AKAP6: variants seen among roughly 807,000 people sequenced by gnomAD.
AKAP6 encodes the protein A-kinase anchoring protein 6.
Under a neutral mutation model 188.5 loss-of-function variants are expected in AKAP6, and 58 were observed. The ratio of observed to expected loss-of-function variants is 0.31; its 90% CI spans 0.25 to 0.38. The LOEUF (loss-of-function observed/expected upper bound fraction) is 0.38, where lower values mean the gene tolerates loss of function less well. Among genes scored for constraint, AKAP6 ranks in the 10% least tolerant of loss-of-function variants. The pLI is 1.00. For synonymous variants in AKAP6, 989 were observed against 998.6 expected (o/e 0.99, Z 0.18); for missense variants, 2,710 against 2,740.0 (o/e 0.99, Z 0.24).
chr14:32,408,435 G>A (rs986900848), intron 1 of AKAP6, among the ~76,000 whole-genome samples: 1 of 151,252 alleles, frequency 6.6e-6, no homozygotes, highest in Admixed American at 6.6e-5. Context: ...GTACAAAAAG[G>A]TTTTCAGTGT....
chr14:32,571,040 G>A (rs1259349651), intron 4 of AKAP6, among the ~76,000 whole-genome samples: 1 of 152,084 alleles, frequency 6.6e-6, no homozygotes, highest in Non-Finnish European at 1.5e-5. Flanking sequence ...GTAAAATGGG[G>A]ATAACTATAG....
chr14:32,589,584 T>C (rs1387302627), intron 5 of AKAP6, among the ~76,000 whole-genome samples: 2 of 152,174 alleles, frequency 1.3e-5, no homozygotes, highest in Admixed American at 6.5e-5. Context: ...TTCAGTTAAA[T>C]AGGATTCCTG....
At chr14:32,720,020 C>T (rs1459301768) in intron 9 of AKAP6, among the ~76,000 whole-genome samples, 1 of 152,164 alleles carries the variant, frequency 6.6e-6, no homozygotes, top group Non-Finnish European at 1.5e-5. Context: ...CAGGCTTCTT[C>T]AGCATTTTCA....
At chr14:32,574,345 A>T (rs1002346436) in intron 4 of AKAP6, among the ~76,000 whole-genome samples, 2 of 152,172 alleles carry the variant, frequency 1.3e-5, no homozygotes, top group Non-Finnish European at 2.9e-5. Context: ...TTGTTTTGCT[A>T]TCTGGCTGGG....
intron 12 of AKAP6, among the ~76,000 whole-genome samples, chr14:32,818,717 C>T (rs2034448940): frequency 6.6e-6 from 1 of 152,134 alleles, no homozygotes; most frequent in Non-Finnish European, 1.5e-5. Flanking sequence ...CAGAAAACGA[C>T]TGTGTCATGG....
intron 2 of AKAP6, among the ~76,000 whole-genome samples, chr14:32,446,341 G>A (rs1043885340): frequency 2.6e-5 from 4 of 152,032 alleles, no homozygotes; most frequent in African/African-American, 7.2e-5. Context: ...AATGAGTAAC[G>A]AGCTAGGTAA....
At chr14:32,721,747 C>T (rs1336821051) in intron 9 of AKAP6, among the ~76,000 whole-genome samples, 1 of 152,180 alleles carries the variant, frequency 6.6e-6, no homozygotes, top group Non-Finnish European at 1.5e-5. Context: ...GTGACAGCTT[C>T]TTCTTAACTT....
intron 7 of AKAP6, among the ~76,000 whole-genome samples, chr14:32,635,491 T>G (rs1887445971): frequency 1.3e-5 from 2 of 152,046 alleles, no homozygotes; most frequent in African/African-American, 2.4e-5. Flanking sequence ...TCGAAAGTAA[T>G]TTTAGAAAGT....
chr14:32,588,672 C>T (rs1398438277), intron 5 of AKAP6, among the ~76,000 whole-genome samples: 1 of 152,128 alleles, frequency 6.6e-6, no homozygotes, highest in Non-Finnish European at 1.5e-5. Context: ...CACCAAATTC[C>T]TACAGACAGT....
chr14:32,656,929 T>G (rs1888477774), intron 7 of AKAP6, among the ~76,000 whole-genome samples: 1 of 152,198 alleles, frequency 6.6e-6, no homozygotes, highest in African/African-American at 2.4e-5. Context: ...AAAGCCCAAC[T>G]GAATTTAATT....
intron 5 of AKAP6, among the ~76,000 whole-genome samples, chr14:32,585,228 G>A (rs144644601): frequency 1.4e-3 from 220 of 152,182 alleles, no homozygotes; most frequent in Non-Finnish European, 2.5e-3. Context: ...ACAAACCAGC[G>A]CTTCTTTTAT....
chr14:32,712,711 A>T (rs2029956564), intron 9 of AKAP6, among the ~76,000 whole-genome samples: 1 of 151,786 alleles, frequency 6.6e-6, no homozygotes. Flanking sequence ...GATTGCAGCA[A>T]CTCTGTCACA....
chr14:32,615,482 CTT>C (rs751513675), intron 7 of AKAP6, among the ~76,000 whole-genome samples: 4 of 149,972 alleles, frequency 2.7e-5, no homozygotes, highest in African/African-American at 4.9e-5. Context: ...CAAATTCTCT[CTT>C]AATGAAATAT....
chr14:32,450,132 C>A (rs1453217614), intron 2 of AKAP6, among the ~76,000 whole-genome samples: 4 of 152,152 alleles, frequency 2.6e-5, no homozygotes, highest in Non-Finnish European at 4.4e-5. Flanking sequence ...TTTCTATGAA[C>A]CTGAATTTCC....
intron 5 of AKAP6, among the ~76,000 whole-genome samples, chr14:32,596,225 G>A (rs575819354): frequency 6.6e-6 from 1 of 152,192 alleles, no homozygotes; most frequent in East Asian, 1.9e-4. Flanking sequence ...TTCCATCAAG[G>A]CGTATATTTC....
At chr14:32,694,580 T>C (rs1566651453) in intron 8 of AKAP6, among the ~76,000 whole-genome samples, 1 of 152,190 alleles carries the variant, frequency 6.6e-6, no homozygotes, top group Non-Finnish European at 1.5e-5. Flanking sequence ...ATAACCGTCA[T>C]TGGCATCCAG....
chr14:32,773,453 A>G (rs1298050047), intron 11 of AKAP6, among the ~76,000 whole-genome samples: 1 of 152,176 alleles, frequency 6.6e-6, no homozygotes, highest in African/African-American at 2.4e-5. Context: ...TCGGAGGGAT[A>G]AATCAGTGAA....
intron 5 of AKAP6, among the ~76,000 whole-genome samples, chr14:32,578,332 A>G (rs1223570362): frequency 6.6e-6 from 1 of 152,180 alleles, no homozygotes; most frequent in African/African-American, 2.4e-5. Context: ...GCATGCAAAT[A>G]GCCTTGCAGA....
intron 3 of AKAP6, among the ~76,000 whole-genome samples, chr14:32,540,192 A>ATTTTTTTTTT (rs1555338084): frequency 3.2e-5 from 4 of 123,432 alleles, no homozygotes; most frequent in Non-Finnish European, 6.8e-5. Flanking sequence ...ATATATATAT[A>ATTTTTTTTTT]TTTTAATTTT....
Sources: allele counts gnomAD v4.1 joint callset (sites outside exome capture counted in the v4.1 genomes callset), GRCh38; gene constraint gnomAD v4.1.1; transcripts MANE v1.5; gene names NCBI Gene and HGNC (gene_info 2026-07-23, HGNC 2026-07-21).